Variants in C6 observed in about 807,000 individuals in gnomAD.
C6 encodes complement component C6.
In C6, 101 loss-of-function variants were observed where a neutral mutation model predicts 112.9. The ratio of observed to expected loss-of-function variants is 0.89; its 90% CI spans 0.76 to 1.06. The LOEUF (loss-of-function observed/expected upper bound fraction) is 1.06, where lower values mean the gene tolerates loss of function less well. Ranked by LOEUF, C6 falls within the 50% of genes least tolerant of loss-of-function variation. The pLI is 0.00. For synonymous variants in C6, 431 were observed against 384.1 expected, an observed-to-expected ratio of 1.12 and a Z score of -1.43; for missense variants, 1,202 against 1,104.6, an observed-to-expected ratio of 1.09 and a Z score of -1.25.
At chr5:41,234,813 G>A (rs917893756) in intron 1 of C6, among the ~76,000 whole-genome samples, 3 of 152,074 alleles carry the variant, frequency 2.0e-5, no homozygotes, top group Non-Finnish European at 4.4e-5. Context: ...TAATGCCAAG[G>A]TGATAAAATA....
At chr5:41,200,256 G>C (rs10941535) in intron 3 of C6, among the ~76,000 whole-genome samples, 1 of 151,538 alleles carries the variant, frequency 6.6e-6, no homozygotes, top group South Asian at 2.1e-4. Context: ...CATAACAGTA[G>C]CCTTTCTGTA....
chr5:41,199,700 A>G (rs994623888), intron 4 of C6, 68 bp downstream of exon 4: 9 of 1,451,660 alleles, frequency 6.2e-6, no homozygotes, highest in Non-Finnish European at 6.8e-6. Flanking sequence ...CTGTTAGTCA[A>G]TTGGAGTAAC....
intron 5 of C6, 95 bp from the exon 6 acceptor site, chr5:41,186,303 T>A: frequency 7.2e-7 from 1 of 1,392,366 alleles, no homozygotes. Context: ...TCTAAACCTT[T>A]TTGCCTCAAG....
chr5:41,253,829 A>G (rs550715093), intron 1 of C6, among the ~76,000 whole-genome samples: 3 of 152,222 alleles, frequency 2.0e-5, no homozygotes. Flanking sequence ...TTAAATTGAT[A>G]GTGCTTCCTA....
chr5:41,218,154 T>C (rs755943133), upstream of C6, among the ~76,000 whole-genome samples: 38 of 152,148 alleles, frequency 2.5e-4, no homozygotes, highest in Non-Finnish European at 3.5e-4. Flanking sequence ...CTTCACCTCA[T>C]AGTAATAGTA....
intron 1 of C6, among the ~76,000 whole-genome samples, chr5:41,233,992 A>G (rs939159293): frequency 6.6e-6 from 1 of 152,140 alleles, no homozygotes; most frequent in African/African-American, 2.4e-5. Context: ...TAAATCTCTA[A>G]TATTAAAATA....
chr5:41,212,052 AT>A (rs1291468197), intron 1 of C6, among the ~76,000 whole-genome samples: 1 of 152,198 alleles, frequency 6.6e-6, no homozygotes, highest in Non-Finnish European at 1.5e-5. Context: ...AGATGGTAAC[AT>A]TAAAACTTAT....
chr5:41,216,415 C>T (rs980575902), upstream of C6, among the ~76,000 whole-genome samples: 1 of 152,090 alleles, frequency 6.6e-6, no homozygotes, highest in African/African-American at 2.4e-5. Flanking sequence ...TCTTCCTACA[C>T]CCATCTAGGA....
chr5:41,180,033 A>C (rs1749196382), intron 7 of C6, among the ~76,000 whole-genome samples: 1 of 152,176 alleles, frequency 6.6e-6, no homozygotes, highest in Non-Finnish European at 1.5e-5. Context: ...ATTTCAATCT[A>C]TTCATCTGCA....
chr5:41,188,238 T>C (rs544240511), intron 5 of C6, among the ~76,000 whole-genome samples: 1 of 152,290 alleles, frequency 6.6e-6, no homozygotes, highest in South Asian at 2.1e-4. Context: ...ACAATCATTA[T>C]CAAAATCTCA....
chr5:41,247,970 T>G (rs1226616800), intron 1 of C6, among the ~76,000 whole-genome samples: 2 of 152,086 alleles, frequency 1.3e-5, no homozygotes, highest in Non-Finnish European at 2.9e-5. Context: ...ATGATACTGG[T>G]ACAAAACAGA....
intron 1 of C6, among the ~76,000 whole-genome samples, chr5:41,212,311 C>A (rs1580207482): frequency 6.6e-6 from 1 of 152,074 alleles, no homozygotes; most frequent in African/African-American, 2.4e-5. Context: ...CAGGCCCCTG[C>A]CACCACACCC....
At chr5:41,251,742 G>A (rs890383854) in intron 1 of C6, among the ~76,000 whole-genome samples, 8 of 152,204 alleles carry the variant, frequency 5.3e-5, no homozygotes, top group African/African-American at 1.9e-4. Flanking sequence ...CTGCAATGTA[G>A]GACAGACTAG....
intron 1 of C6, among the ~76,000 whole-genome samples, chr5:41,206,457 CAA>C (rs896287329): frequency 6.6e-6 from 1 of 152,098 alleles, no homozygotes; most frequent in African/African-American, 2.4e-5. Flanking sequence ...GAACCCATTG[CAA>C]AGAGGCTAAA....
intron 7 of C6, among the ~76,000 whole-genome samples, chr5:41,177,263 T>G (rs763270395): frequency 6.6e-6 from 1 of 152,180 alleles, no homozygotes; most frequent in Non-Finnish European, 1.5e-5. Flanking sequence ...TCCAAAATGC[T>G]GATTCTAAAT....
chr5:41,155,019 C>G lies in C6; in HGVS notation c.2054G>C (p.Arg685Thr). The change falls in exon 14 of 18, where the codon AGA (arginine) becomes ACA (threonine). Residue 685 changes from arginine to threonine, a missense_variant. Physicochemically the swap from Arg to Thr is moderately conservative, Grantham distance 71. Transcript: ENST00000337836. ...GFETVGYQYF[R>T]CLPDGTWRQG... is the part of the protein sequence containing the mutation. Reference sequence around the variant, plus strand: ...TCTCCAGGTCCCGTCTGGTAAGCATCTGAAGTACTGGTATCCAACAGTTTC... The same window carrying G: ...TCTCCAGGTCCCGTCTGGTAAGCATGTGAAGTACTGGTATCCAACAGTTTC... 6.2e-7 allele frequency: 1 copy of G among 1,613,814 alleles called. No homozygotes were observed. Among genetic ancestry groups the G allele is most frequent in the East Asian group, 2.2e-5 (1 of 44,876 alleles).
At position 41,252,422 on chromosome 5, in the gene C6, C is replaced by A. The variant is rs557614301; in HGVS notation, c.-21+8772G>T. 9.2e-4 allele frequency among the ~76,000 whole-genome samples: 140 copies of A among 152,100 alleles called. 2 individuals are homozygous for A. The South Asian group carries it at 0.028, about 31-fold the overall frequency. ...CCTTTGGAGTTGAGGCAAAACTGAC[C>A]AGCACTAACATTAAAATAGAGACCA... On this transcript the variant is annotated intron_variant, in intron 1 of 17. Coordinates refer to the C6 transcript ENST00000263413.
At chr5:41,148,909 A>G (rs1258398868) in intron 17 of C6, among the ~76,000 whole-genome samples, 1 of 152,172 alleles carries the variant, frequency 6.6e-6, no homozygotes, top group Admixed American at 6.5e-5. Flanking sequence ...AACTTAGACA[A>G]TTCTGGTGAA....
chr5:41,260,087 C>T (rs1029218539), intron 1 of C6, among the ~76,000 whole-genome samples: 2 of 152,200 alleles, frequency 1.3e-5, no homozygotes, highest in Non-Finnish European at 2.9e-5. Flanking sequence ...CTAGGTTATT[C>T]ATGAGTTGCA....
Sources: gnomAD v4.1 joint callset for allele counts (sites outside exome capture counted in the v4.1 genomes callset) on GRCh38, gnomAD v4.1.1 for gene constraint, MANE v1.5 for transcripts, NCBI Gene and HGNC (gene_info 2026-07-23, HGNC 2026-07-21) for gene names.